PIWIL1: variants seen among roughly 807,000 people sequenced by gnomAD.
PIWIL1 encodes the protein piwi-like protein 1.
A neutral mutation model predicts 114.4 loss-of-function variants in PIWIL1; 73 were observed. The observed-to-expected ratio is 0.64, with a 90% CI of 0.53 to 0.78. PIWIL1 has a LOEUF of 0.78. PIWIL1 is among the 30% of genes least tolerant of loss of function. The probability of loss-of-function intolerance (pLI) is 0.00; values close to 1 mark genes in which losing one functional copy is unlikely to be tolerated. For missense variants in PIWIL1, 723 were observed against 1,063.1 expected, an observed-to-expected ratio of 0.68 and a Z score of 4.45; for synonymous variants, 375 against 369.0, an observed-to-expected ratio of 1.02 and a Z score of -0.19.
At chr12:130,396,061 G>A in the PIWIL1 span, 1 of 150,428 alleles carries the variant, frequency 6.6e-6, no homozygotes, top group Non-Finnish European at 1.5e-5. Flanking sequence ...GGTGCTTTTT[G>A]TAAACATTAA....
chr12:130,407,754 C>T, the PIWIL1 span: 1 of 1,614,146 alleles, frequency 6.2e-7, no homozygotes, highest in Non-Finnish European at 8.5e-7. Flanking sequence ...CGAGCTTTCT[C>T]TGGGGTCGTA....
At chr12:130,391,055 T>C in the PIWIL1 span, among the ~76,000 whole-genome samples, 2 of 152,208 alleles carry the variant, frequency 1.3e-5, no homozygotes, top group Admixed American at 6.5e-5. Context: ...TCTTCTGTCG[T>C]GTGGATCGCA....
At chr12:130,373,869 AC>A (rs1308186166), downstream of PIWIL1, among the ~76,000 whole-genome samples, 1 of 152,134 alleles carries the variant, frequency 6.6e-6, no homozygotes. Context: ...TCACTGCCGC[AC>A]TCACAAAGAA....
chr12:130,381,250 T>C, the PIWIL1 span, among the ~76,000 whole-genome samples: 1 of 152,358 alleles, frequency 6.6e-6, no homozygotes, highest in South Asian at 2.1e-4. Flanking sequence ...GACGGATGTA[T>C]AATGTATGTG....
At chr12:130,404,289 A>T in the PIWIL1 span, among the ~76,000 whole-genome samples, 3 of 152,152 alleles carry the variant, frequency 2.0e-5, no homozygotes, top group Non-Finnish European at 4.4e-5. Context: ...TCATAATAAG[A>T]TCTATATAAT....
chr12:130,382,452 G>A, the PIWIL1 span, among the ~76,000 whole-genome samples: 1 of 152,234 alleles, frequency 6.6e-6, no homozygotes, highest in Non-Finnish European at 1.5e-5. Flanking sequence ...CCACCATGCT[G>A]CTTAGGGGCC....
chr12:130,343,909 G>A (rs1256327039), intron 3 of PIWIL1, among the ~76,000 whole-genome samples: 3 of 152,154 alleles, frequency 2.0e-5, no homozygotes, highest in Non-Finnish European at 4.4e-5. Flanking sequence ...TTACAGGCGT[G>A]AGCCACCGCA....
chr12:130,385,390 T>G, the PIWIL1 span, among the ~76,000 whole-genome samples: 3 of 152,232 alleles, frequency 2.0e-5, no homozygotes, highest in Non-Finnish European at 4.4e-5. Flanking sequence ...TTTTAGACTT[T>G]GCTCCAGTTC....
intron 12 of PIWIL1, among the ~76,000 whole-genome samples, chr12:130,356,500 T>C (rs1274810210): frequency 6.7e-6 from 1 of 149,936 alleles, no homozygotes; most frequent in Non-Finnish European, 1.5e-5. Context: ...TCACTTTCTG[T>C]CTTGCTGTCA....
At chr12:130,376,779 T>C (rs115524594), downstream of PIWIL1, among the ~76,000 whole-genome samples, 1,623 of 152,326 alleles carry the variant, frequency 0.011, 24 homozygotes, top group African/African-American at 0.037. Flanking sequence ...TTTGGTCCAT[T>C]TTCAGCAAAG....
At chr12:130,347,348 C>A (rs1422294942) in intron 6 of PIWIL1, among the ~76,000 whole-genome samples, 4 of 152,218 alleles carry the variant, frequency 2.6e-5, no homozygotes. Flanking sequence ...GGTATTCCTT[C>A]TCCCCACGGT....
chr12:130,391,378 C>A, the PIWIL1 span, among the ~76,000 whole-genome samples: 2 of 152,172 alleles, frequency 1.3e-5, no homozygotes, highest in Non-Finnish European at 1.5e-5. Context: ...TGACGCAAGT[C>A]CAGCCATCTC....
the PIWIL1 span, among the ~76,000 whole-genome samples, chr12:130,405,961 AG>A: frequency 6.6e-6 from 1 of 152,220 alleles, no homozygotes; most frequent in Non-Finnish European, 1.5e-5. Flanking sequence ...AGTATTAGCA[AG>A]GAAGAAACAA....
chr12:130,357,012 A>T lies in PIWIL1; in HGVS notation c.1499A>T (p.Tyr500Phe). ...CCACTAGATAACTGGCTGTTGATCT[A>T]TACGCGAAGAAATTATGAAGCAGCC... is the stretch of plus-strand genomic sequence containing the variant. ...VKPLDNWLLI[Y>F]TRRNYEAANS... The change falls in exon 13 of 21, where the codon TAT becomes TTT. Residue 500 changes from tyrosine (Y) to phenylalanine (F), a missense_variant. Tyr to Phe is a conservative substitution (Grantham distance 22). Around this residue, in one of 8 missense-constraint regions of PIWIL1, gnomAD observed 298 missense variants for 420.8 expected, o/e 0.71. Coordinates refer to ENST00000245255, the MANE Select transcript of PIWIL1 (RefSeq NM_004764.5). 6.2e-7 allele frequency: 1 copy of T among 1,613,884 alleles called. No homozygotes were observed. Among genetic ancestry groups the T allele is most frequent in the Non-Finnish European group, 8.5e-7 (1 of 1,179,870 alleles).
intron 19 of PIWIL1, among the ~76,000 whole-genome samples, chr12:130,370,060 T>C (rs2073776594): frequency 6.6e-6 from 1 of 152,208 alleles, no homozygotes; most frequent in Non-Finnish European, 1.5e-5. Context: ...GAACAAGTCA[T>C]TTAACATTTC....
chr12:130,404,323 G>A, the PIWIL1 span, among the ~76,000 whole-genome samples: 4 of 152,146 alleles, frequency 2.6e-5, no homozygotes, highest in Non-Finnish European at 4.4e-5. Flanking sequence ...TTTTTGAGAC[G>A]GAGTTTCACT....
chr12:130,366,314 A>T (rs2073656109), intron 18 of PIWIL1: 1 of 152,532 alleles, frequency 6.6e-6, no homozygotes, highest in Admixed American at 6.5e-5. Flanking sequence ...GTGGAAAAGG[A>T]TGTGAAAGGT....
intron 15 of PIWIL1, 53 bp downstream of exon 15, chr12:130,361,433 T>C (rs1025344853): frequency 5.0e-6 from 8 of 1,609,702 alleles, no homozygotes; most frequent in South Asian, 1.1e-5. Context: ...TTTAAGAACA[T>C]GGATTTACTT....
intron 3 of PIWIL1, chr12:130,345,169 C>T (rs1001423509): frequency 6.6e-6 from 1 of 152,238 alleles, no homozygotes; most frequent in African/African-American, 2.4e-5. Context: ...ACTGATTAAT[C>T]ACGACCTTAT....
Sources: gnomAD v4.1 joint callset for allele counts (sites outside exome capture counted in the v4.1 genomes callset) on GRCh38, gnomAD v4.1.1 for gene constraint, gnomAD v4.1.1 regional missense constraint, MANE v1.5 for transcripts, NCBI Gene and HGNC (gene_info 2026-07-23, HGNC 2026-07-21) for gene names.